The following LDHB variants were observed in gnomAD, a reference collection of about 807,000 sequenced individuals.
The protein encoded by LDHB is lactate dehydrogenase B.
In LDHB, 18 loss-of-function variants were observed where a neutral mutation model predicts 33.4. The ratio of observed to expected loss-of-function variants is 0.54; its 90% CI spans 0.37 to 0.80. The LOEUF is 0.80. Among genes scored for constraint, LDHB ranks in the 30% least tolerant of loss-of-function variants. The pLI, the probability that LDHB is intolerant of heterozygous loss-of-function variation, is 0.00. For missense variants in LDHB, 345 were observed against 407.9 expected, an observed-to-expected ratio of 0.85 and a Z score of 1.33; for synonymous variants, 121 against 140.6, an observed-to-expected ratio of 0.86 and a Z score of 0.98.
At chr12:21,647,741 T>A (rs1591832758) in intron 2 of LDHB, among the ~76,000 whole-genome samples, 1 of 151,632 alleles carries the variant, frequency 6.6e-6, no homozygotes. Flanking sequence ...AGTGTAGTGG[T>A]GCAATCTCGG....
Position 21,638,424 on chromosome 12 carries a change from T to C in LDHB, c.642A>G (p.Glu214=), listed in dbSNP as rs752065961. The C allele has an allele frequency of 1.9e-6, 3 of 1,610,986 alleles. No homozygotes were observed. Among genetic ancestry groups the C allele is most frequent in the South Asian group, 2.2e-5 (2 of 90,978 alleles). ...GVNVAGVSLQ[E]LNPEMGTDND... ...TGTCAGTTCCCATTTCTGGATTCAA[T>C]TCCTGGAGAGAAACACCTGCCACAT... The change falls in exon 6 of 8, where the codon GAA becomes GAG. Residue 214 remains glutamate (E), a synonymous_variant. Coordinates refer to ENST00000350669, the MANE Select transcript of LDHB (RefSeq NM_002300.8).
At chr12:21,639,741 G>T (rs2136963375) in intron 5 of LDHB, among the ~76,000 whole-genome samples, 1 of 152,100 alleles carries the variant, frequency 6.6e-6, no homozygotes, top group African/African-American at 2.4e-5. Context: ...TTAAAGTTAT[G>T]GAGTTGACTT....
At chr12:21,655,543 G>A (rs939415608) in intron 1 of LDHB, among the ~76,000 whole-genome samples, 2 of 152,154 alleles carry the variant, frequency 1.3e-5, no homozygotes, top group African/African-American at 2.4e-5. Flanking sequence ...ACAATATAAT[G>A]GCAATGAATA....
intron 1 of LDHB, among the ~76,000 whole-genome samples, chr12:21,655,515 C>A (rs1267738967): frequency 1.3e-5 from 2 of 152,214 alleles, no homozygotes; most frequent in Non-Finnish European, 2.9e-5. Context: ...ACATAGAATG[C>A]ATACTTAATA....
intron 2 of LDHB, among the ~76,000 whole-genome samples, chr12:21,652,213 A>G (rs1176117163): frequency 6.6e-6 from 1 of 152,262 alleles, no homozygotes; most frequent in Non-Finnish European, 1.5e-5. Context: ...TCTAGCTAGT[A>G]TTTAATTAAT....
chr12:21,642,049 C>T lies in LDHB; in HGVS notation c.498G>A (p.Leu166=). 6.2e-7 allele frequency: 1 copy of T among 1,613,384 alleles called. No individual in the cohort carries two copies. The highest frequency in any genetic ancestry group is 8.5e-7 in the Non-Finnish European group (1 of 1,179,498). Residue 166 remains leucine, a synonymous_variant, in exon 5 of 8, where the codon CTG becomes CTA. Transcript: ENST00000350669. ...KHRVIGSGCN[L]DSARFRYLMA... is the part of the protein sequence containing the mutation. Reference sequence around the variant, plus strand: ...TAAGGTAGCGAAATCTAGCAGAATCCAGATTACATCCACTTCCAATCACGC... The same window carrying T: ...TAAGGTAGCGAAATCTAGCAGAATCTAGATTACATCCACTTCCAATCACGC...
chr12:21,650,144 A>ACC (rs1565629868), intron 2 of LDHB, among the ~76,000 whole-genome samples: 7 of 148,130 alleles, frequency 4.7e-5, no homozygotes, highest in African/African-American at 1.8e-4. Flanking sequence ...ACACACACAC[A>ACC]CACACACGTC....
chr12:21,643,161 T>C lies in LDHB; in HGVS notation c.421+774A>G, dbSNP rs74066794. Among the ~76,000 whole-genome samples the C allele has an allele frequency of 1.5e-3, 231 of 152,370 alleles. 1 individual carries two copies. The highest frequency in any genetic ancestry group is 5.2e-3 in the African/African-American group (216 of 41,594). ...CTTGCTGGCTCTCAACTCTCAATAC[T>C]CAAGATACTGTGGGGATTCCCCTAG... On this transcript the variant is annotated intron_variant, in intron 4 of 7. Transcript: ENST00000350669.
intron 3 of LDHB, among the ~76,000 whole-genome samples, chr12:21,645,580 C>T (rs1177050649): frequency 3.9e-5 from 6 of 152,154 alleles, no homozygotes; most frequent in Non-Finnish European, 4.4e-5. Flanking sequence ...CAATACTGCC[C>T]TTTAAGGCAT....
intron 2 of LDHB, among the ~76,000 whole-genome samples, chr12:21,647,933 T>C (rs572575995): frequency 3.7e-4 from 57 of 152,114 alleles, no homozygotes; most frequent in Non-Finnish European, 5.4e-4. Flanking sequence ...CTGACCTCAG[T>C]TGATCCACCC....
chr12:21,654,778 A>T (rs1257427125), intron 1 of LDHB, 101 bp from the exon 2 acceptor site: 1 of 945,864 alleles, frequency 1.1e-6, no homozygotes, highest in Non-Finnish European at 1.7e-6. Flanking sequence ...ACTGAAGTAC[A>T]ACTTAAAATG....
chr12:21,649,010 G>A (rs923904059), intron 2 of LDHB, among the ~76,000 whole-genome samples: 3 of 152,140 alleles, frequency 2.0e-5, no homozygotes, highest in Non-Finnish European at 4.4e-5. Context: ...CTTTAAGGCT[G>A]CTTTTGTTCT....
At chr12:21,647,857 C>T (rs1938571500) in intron 2 of LDHB, among the ~76,000 whole-genome samples, 1 of 151,988 alleles carries the variant, frequency 6.6e-6, no homozygotes, top group Non-Finnish European at 1.5e-5. Context: ...CCACCACACC[C>T]AGCTAATTTT....
At chr12:21,639,243 G>C (rs1456327877) in intron 5 of LDHB, among the ~76,000 whole-genome samples, 1 of 151,916 alleles carries the variant, frequency 6.6e-6, no homozygotes, top group Non-Finnish European at 1.5e-5. Context: ...TGTCTAGTGA[G>C]CATGGTTTAA....
intron 3 of LDHB, among the ~76,000 whole-genome samples, chr12:21,645,641 CTTGT>C (rs967364037): frequency 4.6e-5 from 7 of 151,986 alleles, no homozygotes; most frequent in Non-Finnish European, 1.0e-4. Context: ...TTTTCTTTAC[CTTGT>C]TTATGATGCA....
intron 3 of LDHB, among the ~76,000 whole-genome samples, chr12:21,644,798 T>C (rs557995327): frequency 1.3e-5 from 2 of 152,342 alleles, no homozygotes; most frequent in African/African-American, 4.8e-5. Context: ...GTAATTATAG[T>C]CCCTACATTT....
intron 2 of LDHB, among the ~76,000 whole-genome samples, chr12:21,651,074 A>G (rs1072992): frequency 0.95 from 143,917 of 152,290 alleles, 68,507 homozygotes; most frequent in East Asian, 1. Flanking sequence ...AGGGAAATGC[A>G]AGCAAAAGAG....
intron 5 of LDHB, 91 bp downstream of exon 5, chr12:21,641,859 CAA>C (rs1411184243): frequency 1.8e-6 from 2 of 1,132,578 alleles, no homozygotes; most frequent in Non-Finnish European, 2.6e-6. Context: ...TTAAGTACAT[CAA>C]AGTCTATAAA....
At chr12:21,636,590 G>GA (rs1938224097) in intron 7 of LDHB, among the ~76,000 whole-genome samples, 1 of 151,974 alleles carries the variant, frequency 6.6e-6, no homozygotes, top group Admixed American at 6.6e-5. Flanking sequence ...CTGACTTGTG[G>GA]AAAATGAGTC....
Sources: gnomAD v4.1 joint callset for allele counts (sites outside exome capture counted in the v4.1 genomes callset) on GRCh38, gnomAD v4.1.1 for gene constraint, MANE v1.5 for transcripts, NCBI Gene and HGNC (gene_info 2026-07-23, HGNC 2026-07-21) for gene names.